The following FBXO25 variants were observed in gnomAD, a reference collection of about 807,000 sequenced individuals.
FBXO25 encodes F-box protein 25, also known as F-box only protein 25.
Under a neutral mutation model 51.9 loss-of-function variants are expected in FBXO25, and 45 were observed. The observed-to-expected ratio is 0.87, with a 90% confidence interval of 0.68 to 1.11. FBXO25 has a LOEUF of 1.11. Among genes scored for constraint, FBXO25 ranks in the 50% most tolerant of loss-of-function variants. The pLI is 0.00. For missense variants in FBXO25, 507 were observed against 428.5 expected (o/e 1.18, Z -1.62); for synonymous variants, 199 against 151.0 (o/e 1.32, Z -2.33).
At chr8:452,323 G>A (rs1353898219) in intron 7 of FBXO25, among the ~76,000 whole-genome samples, 3 of 152,208 alleles carry the variant, frequency 2.0e-5, no homozygotes, top group East Asian at 1.9e-4. Flanking sequence ...TGTTATAAAC[G>A]TTGGATTCTT....
At chr8:411,393 G>A (rs1487028300) in intron 1 of FBXO25, among the ~76,000 whole-genome samples, 3 of 151,748 alleles carry the variant, frequency 2.0e-5, no homozygotes, top group East Asian at 1.9e-4. Flanking sequence ...GCTTATATCT[G>A]CCGATCCCTT....
intron 2 of FBXO25, among the ~76,000 whole-genome samples, chr8:426,189 G>C (rs964390223): frequency 5.3e-5 from 8 of 152,182 alleles, no homozygotes; most frequent in Non-Finnish European, 1.2e-4. Context: ...TAGTCATTTT[G>C]GTTTCCGGAG....
chr8:427,823 A>G (rs940210631), intron 2 of FBXO25, among the ~76,000 whole-genome samples: 4 of 150,678 alleles, frequency 2.7e-5, no homozygotes, highest in African/African-American at 7.3e-5. Context: ...TTGATTAGCA[A>G]TTTTAAAAAC....
chr8:441,781 G>C (rs1798440650), intron 5 of FBXO25, among the ~76,000 whole-genome samples: 1 of 152,204 alleles, frequency 6.6e-6, no homozygotes, highest in South Asian at 2.1e-4. Context: ...CTGGTCATTA[G>C]AGAAATGCAA....
At chr8:440,744 C>A (rs183422043) in intron 5 of FBXO25, among the ~76,000 whole-genome samples, 1 of 151,956 alleles carries the variant, frequency 6.6e-6, no homozygotes, top group South Asian at 2.1e-4. Context: ...CCTAGCCCCC[C>A]ACCCCCCGAC....
intron 1 of FBXO25, 66 bp from the exon 2 acceptor site, chr8:413,007 G>A (rs1454163279): frequency 1.9e-6 from 2 of 1,049,288 alleles, no homozygotes; most frequent in African/African-American, 2.0e-5. Flanking sequence ...ATTAATAAAT[G>A]TTCTAAGTGA....
intron 1 of FBXO25, among the ~76,000 whole-genome samples, chr8:408,781 A>G (rs1398277886): frequency 3.3e-5 from 5 of 152,244 alleles, no homozygotes; most frequent in Admixed American, 6.5e-5. Context: ...CACATGAAAT[A>G]GAAATTAAGG....
intron 2 of FBXO25, among the ~76,000 whole-genome samples, chr8:430,338 T>G (rs1411200933): frequency 6.6e-6 from 1 of 152,230 alleles, no homozygotes; most frequent in Non-Finnish European, 1.5e-5. Context: ...CAGTTGTTTG[T>G]ATGTTTTTCA....
chr8:454,896 AAGAAAAAG>A (rs1165567338), intron 7 of FBXO25, among the ~76,000 whole-genome samples: 3 of 144,974 alleles, frequency 2.1e-5, no homozygotes, highest in African/African-American at 8.3e-5. Context: ...ATCTCAAAAA[AAGAAAAAG>A]AAAAAGAAAA....
Position 473,188 on chromosome 8 carries a change from T to C in FBXO25, c.*4384T>C, listed in dbSNP as rs1484637183. 1 of 152,296 alleles carries C rather than the reference T, an allele frequency of 6.6e-6. No homozygotes were observed. The highest frequency in any genetic ancestry group is 2.4e-5 in the African/African-American group (1 of 41,458). The allele number at this position is 152,296 out of a possible 1,614,324, so 9.4% of individuals were successfully genotyped here. On this transcript the variant is annotated 3_prime_UTR_variant, in exon 10 of 10. Coordinates refer to ENST00000350302, the MANE Select transcript of FBXO25 (RefSeq NM_183420.2). ...CATAGAGGAGGCAGACCCTCAACTT[T>C]GGAAAGCAGTGTCCCCCCGCGTCCC...
rs751125069 is a variant in FBXO25 at position 467,743 on chromosome 8, C to G, written c.988-972C>G. ...AGGACTACCATCTTGCTTTACTATT[C>G]AAGGTACTTCCCTGTCTTGCCACAC... On this transcript the variant is annotated intron_variant, in intron 9 of 9. Coordinates refer to ENST00000350302, the MANE Select transcript of FBXO25 (RefSeq NM_183420.2). The G allele has an allele frequency of 2.5e-6, 4 of 1,613,920 alleles. No homozygotes were observed. In the South Asian group the frequency reaches 4.4e-5, roughly 18 times the overall value.
In FBXO25 at chr8:450,014, C is replaced by T; in HGVS notation, c.406C>T (p.Gln136Ter). ...VKLLQLIAKS[Q>*]LTSLSGVAQK... ...GCTGTTGCAGCTAATTGCAAAATCC[C>T]AGTTAACTTCATTGAGTGGCGTGGC... The change falls in exon 6 of 10, where the codon CAG becomes TAG. Residue 136 changes from glutamine to a stop codon, truncating the protein, a stop_gained. Coordinates refer to ENST00000350302, the MANE Select transcript of FBXO25 (RefSeq NM_183420.2). LOFTEE classifies it high-confidence loss of function. 6.2e-7 allele frequency: 1 copy of T among 1,611,064 alleles called. No homozygotes were observed. Among genetic ancestry groups the T allele is most frequent in the East Asian group, 2.2e-5 (1 of 44,680 alleles).
At chr8:407,703 T>A (rs909822692) in intron 1 of FBXO25, among the ~76,000 whole-genome samples, 1 of 152,054 alleles carries the variant, frequency 6.6e-6, no homozygotes, top group Non-Finnish European at 1.5e-5. Flanking sequence ...TGACCCCTCA[T>A]TCCTCCAGGC....
intron 2 of FBXO25, among the ~76,000 whole-genome samples, chr8:416,696 C>T (rs1453445032): frequency 6.6e-6 from 1 of 152,188 alleles, no homozygotes; most frequent in Non-Finnish European, 1.5e-5. Flanking sequence ...AGGAGCCAGA[C>T]TTAGAGATGT....
intron 5 of FBXO25, among the ~76,000 whole-genome samples, chr8:442,453 G>C (rs1798485980): frequency 1.3e-5 from 2 of 151,954 alleles, no homozygotes; most frequent in South Asian, 4.1e-4. Flanking sequence ...AGCAGAGGAA[G>C]TTATTTCCAC....
In FBXO25 at chr8:476,823, T is replaced by C. The variant is rs1225707266; in HGVS notation, c.*8019T>C. On this transcript the variant is annotated 3_prime_UTR_variant, in exon 10 of 10. Transcript: ENST00000350302. ...TCTGCTCTAATCTTTATTATTATTA[T>C]AATCATCTCCATTCTGCTGGCTTTG... 1 of 142,268 alleles carries C rather than the reference T, an allele frequency of 7.0e-6. No homozygotes were observed. Among genetic ancestry groups the C allele is most frequent in the Non-Finnish European group, 1.5e-5 (1 of 66,634 alleles). The allele number at this position is 142,268 out of a possible 1,614,324, so 8.8% of individuals were successfully genotyped here. A position where few individuals can be genotyped will look rare whatever the true frequency, so the allele number is the denominator to read the frequency against.
intron 8 of FBXO25, among the ~76,000 whole-genome samples, chr8:461,284 G>A (rs1055898659): frequency 2.6e-5 from 4 of 152,072 alleles, no homozygotes; most frequent in East Asian, 1.9e-4. Context: ...TCCATTCTCC[G>A]CTGCCAATAA....
intron 5 of FBXO25, among the ~76,000 whole-genome samples, chr8:445,058 T>C (rs1170495988): frequency 6.6e-6 from 1 of 152,240 alleles, no homozygotes; most frequent in African/African-American, 2.4e-5. Context: ...TATGAATGAT[T>C]ACAGTTTCTT....
Position 470,910 on chromosome 8 carries a change from G to A in FBXO25, c.*2106G>A, listed in dbSNP as rs1009443189. 6.6e-6 allele frequency: 1 copy of A among 152,134 alleles called. No individual in the cohort carries two copies. The highest frequency in any genetic ancestry group is 1.5e-5 in the Non-Finnish European group (1 of 68,016). The allele number at this position is 152,134 out of a possible 1,614,324, so 9.4% of individuals were successfully genotyped here. A position where few individuals can be genotyped will look rare whatever the true frequency, so the allele number is the denominator to read the frequency against. On this transcript the variant is annotated 3_prime_UTR_variant, in exon 10 of 10. Transcript: ENST00000350302. ...TGCCTGTTTTTTGGGGTGGATGTCA[G>A]TCTTTTTTCATGTTAGTTTCTTCTT... is the stretch of plus-strand genomic sequence containing the variant.
Sources: gnomAD v4.1 joint callset for allele counts (sites outside exome capture counted in the v4.1 genomes callset) on GRCh38, gnomAD v4.1.1 for gene constraint, MANE v1.5 for transcripts, NCBI Gene and HGNC (gene_info 2026-07-23, HGNC 2026-07-21) for gene names.